The following LYPD6 variants were observed in gnomAD, a reference collection of about 807,000 sequenced individuals.
LYPD6 encodes the protein ly6/PLAUR domain-containing protein 6.
Under a neutral mutation model 22.7 loss-of-function variants are expected in LYPD6, and 15 were observed. That is an observed-to-expected ratio of 0.66 (90% CI 0.44 to 1.02). The LOEUF (loss-of-function observed/expected upper bound fraction) is 1.02, where lower values mean the gene tolerates loss of function less well. Ranked by LOEUF, LYPD6 falls within the 50% of genes least tolerant of loss-of-function variation. The pLI is 0.00. For synonymous variants in LYPD6, 72 were observed against 77.5 expected, an observed-to-expected ratio of 0.93 and a Z score of 0.37; for missense variants, 189 against 208.4, an observed-to-expected ratio of 0.91 and a Z score of 0.57.
intron 1 of LYPD6, among the ~76,000 whole-genome samples, chr2:149,397,245 A>C (rs902401346): frequency 6.6e-6 from 1 of 152,244 alleles, no homozygotes; most frequent in Middle Eastern, 3.4e-3. Context: ...GGGGGCTGTC[A>C]TGGTTGGAGT....
intron 1 of LYPD6, among the ~76,000 whole-genome samples, chr2:149,371,747 A>G (rs1681815081): frequency 6.6e-6 from 1 of 152,192 alleles, no homozygotes; most frequent in Non-Finnish European, 1.5e-5. Context: ...TTGTGCTACC[A>G]GAGGATGCAG....
chr2:149,397,298 G>T (rs1244265322), intron 1 of LYPD6, among the ~76,000 whole-genome samples: 1 of 152,178 alleles, frequency 6.6e-6, no homozygotes, highest in Non-Finnish European at 1.5e-5. Context: ...GTTCAGCTGG[G>T]CTGGGAGTCC....
intron 1 of LYPD6, among the ~76,000 whole-genome samples, chr2:149,373,308 A>G (rs1179714347): frequency 2.0e-5 from 3 of 152,314 alleles, no homozygotes; most frequent in East Asian, 3.9e-4. Flanking sequence ...AATTAAGTAG[A>G]TGAGTCTGGA....
intron 1 of LYPD6, among the ~76,000 whole-genome samples, chr2:149,398,194 T>C (rs1387107122): frequency 6.6e-6 from 1 of 152,220 alleles, no homozygotes; most frequent in Non-Finnish European, 1.5e-5. Context: ...TGAGACTTCT[T>C]ATGCCAACTG....
chr2:149,470,452 A>G (rs72865522), intron 4 of LYPD6, among the ~76,000 whole-genome samples: 33,834 of 152,094 alleles, frequency 0.22, 4,437 homozygotes, highest in Middle Eastern at 0.32. Flanking sequence ...AGGGTGTCAA[A>G]AACAAAACCT....
At chr2:149,455,823 T>A (rs751564305) in intron 3 of LYPD6, among the ~76,000 whole-genome samples, 2 of 152,186 alleles carry the variant, frequency 1.3e-5, no homozygotes, top group Non-Finnish European at 2.9e-5. Context: ...ATAAGTACAT[T>A]GCCTTCTGAA....
intron 1 of LYPD6, among the ~76,000 whole-genome samples, chr2:149,418,044 C>G (rs573661552): frequency 6.6e-6 from 1 of 152,168 alleles, no homozygotes; most frequent in Non-Finnish European, 1.5e-5. Context: ...TTTGTTCACT[C>G]GTCTTGTGGT....
At chr2:149,399,391 A>C (rs1336951303) in intron 1 of LYPD6, among the ~76,000 whole-genome samples, 6 of 152,184 alleles carry the variant, frequency 3.9e-5, no homozygotes, top group Non-Finnish European at 8.8e-5. Flanking sequence ...ATTTAATGTC[A>C]TAATAAAAGC....
chr2:149,451,660 C>T (rs1558812764), intron 3 of LYPD6, among the ~76,000 whole-genome samples: 1 of 152,176 alleles, frequency 6.6e-6, no homozygotes, highest in East Asian at 1.9e-4. Context: ...TCTATCATTT[C>T]AAAGTCCAGA....
chr2:149,398,248 C>T (rs1241026851), intron 1 of LYPD6, among the ~76,000 whole-genome samples: 2 of 152,090 alleles, frequency 1.3e-5, no homozygotes, highest in African/African-American at 4.8e-5. Flanking sequence ...TTTATTTCTT[C>T]AGTTACTGTC....
intron 1 of LYPD6, among the ~76,000 whole-genome samples, chr2:149,436,530 A>G (rs1432673615): frequency 1.3e-5 from 2 of 152,232 alleles, no homozygotes; most frequent in African/African-American, 4.8e-5. Context: ...AATAAAGGAC[A>G]CAGTAGATAG....
chr2:149,464,474 C>T, intron 3 of LYPD6: 1 of 164,862 alleles, frequency 6.1e-6, no homozygotes, highest in Middle Eastern at 2.7e-3. Flanking sequence ...TCAAGGAGAA[C>T]CGTGAGTAAT....
intron 1 of LYPD6, among the ~76,000 whole-genome samples, chr2:149,392,601 C>T (rs764275871): frequency 4.6e-5 from 7 of 152,050 alleles, no homozygotes; most frequent in Admixed American, 1.3e-4. Flanking sequence ...AGAATGCAGA[C>T]GTGTTATTTA....
chr2:149,384,453 A>G (rs1211973233), intron 1 of LYPD6, among the ~76,000 whole-genome samples: 1 of 152,212 alleles, frequency 6.6e-6, no homozygotes, highest in East Asian at 1.9e-4. Flanking sequence ...CAAGTTGCCT[A>G]TGCTAGACTG....
chr2:149,405,770 T>G (rs1158495066), intron 1 of LYPD6, among the ~76,000 whole-genome samples: 1 of 151,138 alleles, frequency 6.6e-6, no homozygotes, highest in East Asian at 1.9e-4. Flanking sequence ...TCTTGCCTTC[T>G]GCTAGCTTTT....
intron 1 of LYPD6, among the ~76,000 whole-genome samples, chr2:149,431,517 A>G (rs1683311474): frequency 6.6e-6 from 1 of 152,180 alleles, no homozygotes; most frequent in Non-Finnish European, 1.5e-5. Context: ...TTCATTTTTC[A>G]GTTCCTAGAA....
At chr2:149,418,234 T>C (rs1683006031) in intron 1 of LYPD6, among the ~76,000 whole-genome samples, 2 of 152,230 alleles carry the variant, frequency 1.3e-5, no homozygotes, top group Admixed American at 1.3e-4. Flanking sequence ...TGGAAATTCC[T>C]TTGTGACACA....
chr2:149,478,434 T>C (rs1681477538), downstream of LYPD6, among the ~76,000 whole-genome samples: 1 of 151,732 alleles, frequency 6.6e-6, no homozygotes, highest in Non-Finnish European at 1.5e-5. Flanking sequence ...TTATTTTTTA[T>C]TTTTTTAGAG....
intron 1 of LYPD6, among the ~76,000 whole-genome samples, chr2:149,338,871 C>T (rs1217747901): frequency 6.6e-6 from 1 of 152,078 alleles, no homozygotes; most frequent in Non-Finnish European, 1.5e-5. Context: ...CAGCAGGAGT[C>T]TTGGCAGAAG....
Sources: gnomAD v4.1 joint callset for allele counts (sites outside exome capture counted in the v4.1 genomes callset) on GRCh38, gnomAD v4.1.1 for gene constraint, MANE v1.5 for transcripts, NCBI Gene and HGNC (gene_info 2026-07-23, HGNC 2026-07-21) for gene names.